Variants in VRK2 observed in about 807,000 individuals in gnomAD.
VRK2 encodes the protein serine/threonine-protein kinase VRK2.
Under a neutral mutation model 57.6 loss-of-function variants are expected in VRK2, and 60 were observed. The observed-to-expected ratio is 1.04, with a 90% CI of 0.85 to 1.29. The LOEUF (loss-of-function observed/expected upper bound fraction) is 1.29, where lower values mean the gene tolerates loss of function less well. Ranked by LOEUF, VRK2 falls within the 50% of genes most tolerant of loss-of-function variation. VRK2 has a pLI of 0.00. For synonymous variants in VRK2, 231 were observed against 199.2 expected (o/e 1.16, Z -1.35); for missense variants, 705 against 588.1 (o/e 1.20, Z -2.06).
At chr2:57,951,500 T>G (rs895762351) in intron 1 of VRK2, among the ~76,000 whole-genome samples, 3 of 152,226 alleles carry the variant, frequency 2.0e-5, no homozygotes, top group African/African-American at 7.2e-5. Context: ...GACTCCAATT[T>G]TGAAAGAAGT....
chr2:58,104,819 G>T lies in VRK2; in HGVS notation c.543+15096G>T, dbSNP rs555789260. ...ACCTGACCACAAATTATACTGCAAG[G>T]CTATAGTAACCAAAACAGCATGGTT... On this transcript the variant is annotated intron_variant, in intron 7 of 12. Coordinates refer to ENST00000340157, the MANE Select transcript of VRK2 (RefSeq NM_006296.7). 1.9e-4 allele frequency among the ~76,000 whole-genome samples: 29 copies of T among 151,982 alleles called. 1 individual carries two copies. The South Asian group carries it at 5.6e-3, about 29-fold the overall frequency.
intron 1 of VRK2, among the ~76,000 whole-genome samples, chr2:57,983,908 G>C (rs909468493): frequency 1.3e-5 from 2 of 152,060 alleles, no homozygotes; most frequent in Non-Finnish European, 2.9e-5. Flanking sequence ...CAAAGATAAA[G>C]TCATCAATAT....
At chr2:57,920,311 C>A (rs991379688) in intron 1 of VRK2, among the ~76,000 whole-genome samples, 1 of 152,028 alleles carries the variant, frequency 6.6e-6, no homozygotes, top group African/African-American at 2.4e-5. Context: ...ACTTATTATT[C>A]TTTAATTGAA....
intron 1 of VRK2, among the ~76,000 whole-genome samples, chr2:57,939,089 A>C (rs1248398464): frequency 6.6e-6 from 1 of 152,232 alleles, no homozygotes; most frequent in Non-Finnish European, 1.5e-5. Flanking sequence ...TAGAAAAGGG[A>C]AGAGCAGAGA....
chr2:58,155,122 A>G (rs1293671388), intron 12 of VRK2, among the ~76,000 whole-genome samples: 3 of 152,218 alleles, frequency 2.0e-5, no homozygotes, highest in East Asian at 1.9e-4. Context: ...GAAGTAGTCT[A>G]TAAATATCAG....
chr2:58,042,618 T>C (rs758468028), upstream of VRK2, among the ~76,000 whole-genome samples: 1 of 152,220 alleles, frequency 6.6e-6, no homozygotes, highest in Non-Finnish European at 1.5e-5. Flanking sequence ...ACTAAATGGT[T>C]GGGTTTTTCT....
intron 7 of VRK2, among the ~76,000 whole-genome samples, chr2:58,115,025 G>C (rs898058934): frequency 6.6e-6 from 1 of 152,220 alleles, no homozygotes; most frequent in South Asian, 2.1e-4. Flanking sequence ...TAGAATAGCA[G>C]ATGGAACACT....
chr2:58,049,310 C>CTT (rs1382134930), intron 2 of VRK2, among the ~76,000 whole-genome samples: 1 of 152,076 alleles, frequency 6.6e-6, no homozygotes. Context: ...GATAAAAACA[C>CTT]TTTCTGTTTG....
intron 7 of VRK2, among the ~76,000 whole-genome samples, chr2:58,105,316 G>T (rs1395803399): frequency 6.6e-6 from 1 of 151,464 alleles, no homozygotes; most frequent in East Asian, 1.9e-4. Flanking sequence ...TATGACAAAG[G>T]GCTAATATCC....
At chr2:58,046,955 C>T in intron 1 of VRK2, 87 bp downstream of exon 1, 1 of 985,520 alleles carries the variant, frequency 1.0e-6, no homozygotes, top group Non-Finnish European at 1.2e-6. Flanking sequence ...AAAAGGGCTG[C>T]CGTCGGAGTT....
chr2:58,055,592 A>C (rs973091969), intron 2 of VRK2, among the ~76,000 whole-genome samples: 1 of 152,182 alleles, frequency 6.6e-6, no homozygotes, highest in African/African-American at 2.4e-5. Flanking sequence ...AGTGGAGATG[A>C]ATATTTCTGT....
Position 58,088,132 on chromosome 2 carries a change from C to T in VRK2, c.345-209C>T, listed in dbSNP as rs1251289235. Among the ~76,000 whole-genome samples the T allele has an allele frequency of 5.9e-5, 9 of 152,212 alleles. 1 individual carries two copies. The highest frequency in any genetic ancestry group is 3.3e-4 in the Admixed American group (5 of 15,282). On this transcript the variant is annotated intron_variant, in intron 5 of 12. Coordinates refer to ENST00000340157, the MANE Select transcript of VRK2 (RefSeq NM_006296.7). ...AGTGTGAATGGTTCAGTACAGCATT[C>T]TCTTATAGAAAATCAGCTGCAAAGT...
upstream of VRK2, among the ~76,000 whole-genome samples, chr2:58,046,180 A>G (rs1674733029): frequency 2.0e-5 from 3 of 152,312 alleles, no homozygotes; most frequent in South Asian, 6.2e-4. Flanking sequence ...ACTGCTTAAT[A>G]AAGTCCTCAC....
Position 58,137,204 on chromosome 2 carries a change from C to T in VRK2, c.856+2005C>T, listed in dbSNP as rs145405493. 3.2e-3 allele frequency among the ~76,000 whole-genome samples: 51 copies of T among 16,082 alleles called. 7 individuals carry two copies. Among genetic ancestry groups the T allele is most frequent in the African/African-American group, 9.4e-3 (49 of 5,194 alleles). The allele number at this position is 16,082 out of a possible 152,430, so 10.6% of individuals were successfully genotyped here. ...TATCATATATGATACATATATATCT[C>T]ATATATGATACATATATATCATATG... On this transcript the variant is annotated intron_variant, in intron 10 of 12. Coordinates refer to ENST00000340157, the MANE Select transcript of VRK2 (RefSeq NM_006296.7).
In VRK2 at chr2:58,154,319, TTC is replaced by T. The variant is rs1359999254; in HGVS notation, c.1183-5028_1183-5027del. ...TTCTATCTTTCTGCTTGCTTTGGAT[TTC>T]TTTTTTTTTTAATTCTTTTTTTGAC... On this transcript the variant is annotated intron_variant, in intron 12 of 12. Transcript: ENST00000340157. Among the ~76,000 whole-genome samples, 8 of 148,274 alleles carry T rather than the reference TTC, an allele frequency of 5.4e-5. No homozygotes were observed. In the East Asian group the frequency reaches 5.8e-4, roughly 11 times the overall value.
intron 2 of VRK2, among the ~76,000 whole-genome samples, chr2:58,065,732 A>G (rs559692032): frequency 2.0e-4 from 30 of 152,274 alleles, no homozygotes; most frequent in South Asian, 1.7e-3. Flanking sequence ...CATCCAAACC[A>G]TAAGTACAGC....
intron 1 of VRK2, among the ~76,000 whole-genome samples, chr2:57,924,214 G>A (rs1670458999): frequency 1.3e-5 from 2 of 151,884 alleles, no homozygotes; most frequent in African/African-American, 4.8e-5. Context: ...TAGGTCTTTT[G>A]TGATTCCATA....
intron 12 of VRK2, among the ~76,000 whole-genome samples, chr2:58,148,984 C>A (rs530142987): frequency 4.3e-4 from 65 of 151,824 alleles, no homozygotes; most frequent in African/African-American, 1.4e-3. Context: ...AGGTCCTAGT[C>A]TCCTCCATAA....
At chr2:58,156,255 GTTATTC>G (rs1683825882) in intron 12 of VRK2, among the ~76,000 whole-genome samples, 1 of 151,976 alleles carries the variant, frequency 6.6e-6, no homozygotes, top group South Asian at 2.1e-4. Context: ...GAAGTTAGCA[GTTATTC>G]TTATTGGCCC....
Sources: allele counts gnomAD v4.1 joint callset (sites outside exome capture counted in the v4.1 genomes callset), GRCh38; gene constraint gnomAD v4.1.1; transcripts MANE v1.5; gene names NCBI Gene and HGNC (gene_info 2026-07-23, HGNC 2026-07-21).